The following SKI variants were observed in gnomAD, a reference collection of about 807,000 sequenced individuals.
SKI encodes the protein SKI proto-oncogene.
A neutral mutation model predicts 59.3 loss-of-function variants in SKI; 23 were observed. The observed-to-expected ratio is 0.39, with a 90% CI of 0.28 to 0.55. The LOEUF (loss-of-function observed/expected upper bound fraction) is 0.55. SKI is among the 20% of genes least tolerant of loss of function. The pLI is 0.67. For synonymous variants in SKI, 673 were observed against 488.6 expected, an observed-to-expected ratio of 1.38 and a Z score of -4.98; for missense variants, 1,017 against 1,038.9, an observed-to-expected ratio of 0.98 and a Z score of 0.29.
intron 1 of SKI, among the ~76,000 whole-genome samples, chr1:2,231,523 G>A (rs1422648778): frequency 2.6e-5 from 4 of 152,212 alleles, no homozygotes; most frequent in Admixed American, 2.6e-4. Context: ...TGTGAGCGCC[G>A]GGGTCCTTGG....
At chr1:2,304,768 G>A (rs1417665962) in intron 5 of SKI, among the ~76,000 whole-genome samples, 183 bp downstream of exon 5, 1 of 152,216 alleles carries the variant, frequency 6.6e-6, no homozygotes, top group African/African-American at 2.4e-5. Flanking sequence ...TGCAGCCCTG[G>A]GTATGGTGAG....
chr1:2,298,538 G>A (rs1640345904), intron 1 of SKI, among the ~76,000 whole-genome samples: 1 of 152,206 alleles, frequency 6.6e-6, no homozygotes, highest in Non-Finnish European at 1.5e-5. Flanking sequence ...GCAGAGGCGG[G>A]ACCCTGCCCG....
chr1:2,288,888 G>C (rs545045721), intron 1 of SKI, among the ~76,000 whole-genome samples: 1 of 152,280 alleles, frequency 6.6e-6, no homozygotes, highest in Non-Finnish European at 1.5e-5. Context: ...CGTGTGTGAG[G>C]CCTGCAGTGG....
At chr1:2,250,486 C>T (rs1054306998) in intron 1 of SKI, among the ~76,000 whole-genome samples, 19 of 152,216 alleles carry the variant, frequency 1.2e-4, no homozygotes, top group Non-Finnish European at 2.4e-4. Context: ...AATCTCCAAA[C>T]CTACATACAG....
At position 2,234,489 on chromosome 1, in the gene SKI, G is replaced by A. The variant is rs1638709901; in HGVS notation, c.969+4754G>A. On this transcript the variant is annotated intron_variant, in intron 1 of 6. Coordinates refer to ENST00000378536, the MANE Select transcript of SKI (RefSeq NM_003036.4). ...TGAGTCTCCGGGTGAGGGCAGACAG[G>A]ATATGGTGCGAGGAAGTCTGGGGTA... Among the ~76,000 whole-genome samples the A allele has an allele frequency of 2.0e-5, 3 of 152,192 alleles. No homozygotes were observed. The South Asian group carries it at 6.2e-4, about 32-fold the overall frequency.
intron 1 of SKI, among the ~76,000 whole-genome samples, chr1:2,233,238 G>C (rs1638681534): frequency 1.3e-5 from 2 of 149,362 alleles, no homozygotes; most frequent in Admixed American, 6.7e-5. Flanking sequence ...GGCTGGTGGG[G>C]GGGGTCCTGT....
Position 2,228,774 on chromosome 1 carries a change from C to T in SKI, c.8C>T (p.Ala3Val), listed in dbSNP as rs1553189801. 1.2e-5 allele frequency: 15 copies of T among 1,277,594 alleles called. No individual in the cohort carries two copies. Among genetic ancestry groups the T allele is most frequent in the Non-Finnish European group, 1.3e-5 (13 of 997,156 alleles). The allele number at this position is 1,277,594 out of a possible 1,614,324, so 79.1% of individuals were successfully genotyped here. A position where few individuals can be genotyped will look rare whatever the true frequency, so the allele number is the denominator to read the frequency against. Residue 3 changes from alanine (A) to valine (V), a missense_variant, in exon 1 of 7, where the codon GCG becomes GTG. Coordinates refer to ENST00000378536, the MANE Select transcript of SKI (RefSeq NM_003036.4). ME[A>V]AAGGRGCFQP... ...GGGGAGCCGGAGCGCACCATGGAGG[C>T]GGCGGCAGGCGGCCGCGGCTGTTTC...
rs1340844718 is a variant in SKI, at chr1:2,228,715, G to T, written c.-52G>T. On this transcript the variant is annotated 5_prime_UTR_variant, in exon 1 of 7. Transcript: ENST00000378536. Reference sequence around the variant, plus strand: ...GCGCGCGGGGCGGCGGCGGGGGCCGGGGGGGCCCGGGCGCGCGGGAGCGGG... The same window carrying T: ...GCGCGCGGGGCGGCGGCGGGGGCCGTGGGGGCCCGGGCGCGCGGGAGCGGG... 2.5e-5 allele frequency: 25 copies of T among 994,962 alleles called. No homozygotes were observed. The highest frequency in any genetic ancestry group is 3.0e-5 in the Non-Finnish European group (25 of 837,124). 61.6% of individuals were successfully genotyped at this position (994,962 alleles called of 1,614,324 possible).
intron 6 of SKI, 102 bp downstream of exon 6, chr1:2,306,352 G>A (rs1569866778): frequency 2.5e-6 from 3 of 1,200,210 alleles, no homozygotes; most frequent in Non-Finnish European, 1.1e-6. Context: ...TGGAGCAGAA[G>A]CCAGGCCCGG....
chr1:2,273,238 C>T (rs933200515), intron 1 of SKI, among the ~76,000 whole-genome samples: 11 of 152,158 alleles, frequency 7.2e-5, no homozygotes, highest in East Asian at 1.9e-4. Context: ...TTCCCACTGG[C>T]GCCGGAGACC....
At chr1:2,276,870 C>G (rs1639754464) in intron 1 of SKI, among the ~76,000 whole-genome samples, 2 of 152,170 alleles carry the variant, frequency 1.3e-5, no homozygotes, top group Non-Finnish European at 1.5e-5. Context: ...AGGTTTTTCT[C>G]TTTGGTTCTG....
chr1:2,288,807 C>T (rs977375909), intron 1 of SKI, among the ~76,000 whole-genome samples: 1 of 152,058 alleles, frequency 6.6e-6, no homozygotes, highest in Non-Finnish European at 1.5e-5. Flanking sequence ...GGGTGGGGAC[C>T]TTGTCTCAGG....
intron 1 of SKI, among the ~76,000 whole-genome samples, chr1:2,243,697 G>A (rs540261273): frequency 4.3e-4 from 65 of 152,294 alleles, no homozygotes; most frequent in Non-Finnish European, 7.9e-4. Flanking sequence ...GGCTGTAAAC[G>A]AGTTCTCTGC....
Position 2,228,608 on chromosome 1 carries a change from C to T in SKI, c.-159C>T. On this transcript the variant is annotated 5_prime_UTR_variant, in exon 1 of 7. Transcript: ENST00000378536. ...CGCCCCGCCCGCCTTCCCCTTCGCGCCCCCGGGCGAGGCCGCGGCCGTGAT... is the reference window on the plus strand; with the variant it reads ...CGCCCCGCCCGCCTTCCCCTTCGCGTCCCCGGGCGAGGCCGCGGCCGTGAT... 1 of 180,556 alleles carries T rather than the reference C, an allele frequency of 5.5e-6. No individual in the cohort carries two copies. Among genetic ancestry groups the T allele is most frequent in the Non-Finnish European group, 1.0e-5 (1 of 98,960 alleles). 11.2% of individuals were successfully genotyped at this position (180,556 alleles called of 1,614,324 possible). A position where few individuals can be genotyped will look rare whatever the true frequency, so the allele number is the denominator to read the frequency against.
intron 1 of SKI, among the ~76,000 whole-genome samples, chr1:2,232,824 G>T (rs1638668078): frequency 6.6e-6 from 1 of 152,120 alleles, no homozygotes; most frequent in Non-Finnish European, 1.5e-5. Flanking sequence ...ATTGATCTTG[G>T]ACTTTATGTT....
At chr1:2,275,566 T>C (rs1188355214) in intron 1 of SKI, among the ~76,000 whole-genome samples, 2 of 152,036 alleles carry the variant, frequency 1.3e-5, no homozygotes, top group African/African-American at 2.4e-5. Flanking sequence ...CAGGCTGGAG[T>C]GCAGTGGCGC....
chr1:2,276,952 C>A (rs1243459351), intron 1 of SKI, among the ~76,000 whole-genome samples: 2 of 152,242 alleles, frequency 1.3e-5, no homozygotes, highest in East Asian at 3.9e-4. Context: ...TGCTTCCCCA[C>A]AGGGATGGGG....
chr1:2,304,162 A>G, intron 4 of SKI, 60 bp downstream of exon 4: 1 of 1,602,050 alleles, frequency 6.2e-7, no homozygotes, highest in South Asian at 1.1e-5. Context: ...GCACTGGCTG[A>G]GGGGGGCTGG....
intron 1 of SKI, among the ~76,000 whole-genome samples, chr1:2,254,819 C>T (rs2100829110): frequency 6.6e-6 from 1 of 152,356 alleles, no homozygotes; most frequent in Middle Eastern, 3.4e-3. Flanking sequence ...TGCAGCCCCC[C>T]TGCTGCACAC....
Sources: allele counts gnomAD v4.1 joint callset (sites outside exome capture counted in the v4.1 genomes callset), GRCh38; gene constraint gnomAD v4.1.1; transcripts MANE v1.5; gene names NCBI Gene and HGNC (gene_info 2026-07-23, HGNC 2026-07-21).